Variants in FYN observed in about 807,000 individuals in gnomAD.
FYN encodes the protein tyrosine-protein kinase Fyn.
A neutral mutation model predicts 70.2 loss-of-function variants in FYN; 10 were observed. The observed-to-expected ratio is 0.14, with a 90% CI of 0.09 to 0.24. FYN has a LOEUF of 0.24. Ranked by LOEUF, FYN falls within the 10% of genes least tolerant of loss-of-function variation. FYN has a pLI of 1.00. For missense variants in FYN, 319 were observed against 673.1 expected, an observed-to-expected ratio of 0.47 and a Z score of 5.82; for synonymous variants, 236 against 248.6, an observed-to-expected ratio of 0.95 and a Z score of 0.48.
At chr6:111,857,664 T>G (rs1003907716) in intron 1 of FYN, among the ~76,000 whole-genome samples, 1 of 152,174 alleles carries the variant, frequency 6.6e-6, no homozygotes, top group Non-Finnish European at 1.5e-5. Context: ...GAATTCAACT[T>G]GATTATGATC....
chr6:111,844,495 A>G (rs934877776), intron 2 of FYN, among the ~76,000 whole-genome samples: 3 of 152,268 alleles, frequency 2.0e-5, no homozygotes, highest in African/African-American at 7.2e-5. Context: ...AAAGGTTCTG[A>G]AAGTGGAACT....
chr6:111,787,234 AT>A (rs2128510433), intron 2 of FYN, among the ~76,000 whole-genome samples: 1 of 152,166 alleles, frequency 6.6e-6, no homozygotes, highest in East Asian at 1.9e-4. Flanking sequence ...TCTTGAATTA[AT>A]TTTTCTGTAA....
chr6:111,811,574 C>A (rs1334105698), intron 2 of FYN, among the ~76,000 whole-genome samples: 1 of 152,152 alleles, frequency 6.6e-6, no homozygotes, highest in Non-Finnish European at 1.5e-5. Flanking sequence ...CCCTTATCCC[C>A]TTCTCTGGGA....
At chr6:111,788,813 C>T (rs1473828213) in intron 2 of FYN, among the ~76,000 whole-genome samples, 1 of 152,046 alleles carries the variant, frequency 6.6e-6, no homozygotes, top group Non-Finnish European at 1.5e-5. Flanking sequence ...TACAGGGTTT[C>T]CTAGGAAACT....
chr6:111,797,774 T>G (rs1477331356), intron 2 of FYN, among the ~76,000 whole-genome samples: 1 of 150,442 alleles, frequency 6.6e-6, no homozygotes, highest in Non-Finnish European at 1.5e-5. Context: ...ATCTTTTTTC[T>G]TTTTTTGAGA....
chr6:111,668,920 T>C (rs1300423086), intron 13 of FYN, among the ~76,000 whole-genome samples: 1 of 152,154 alleles, frequency 6.6e-6, no homozygotes, highest in Non-Finnish European at 1.5e-5. Flanking sequence ...CTGCTCCTGT[T>C]GTTATGTTGA....
intron 9 of FYN, chr6:111,699,408 C>A: frequency 8.4e-7 from 1 of 1,191,560 alleles, no homozygotes; most frequent in Non-Finnish European, 1.2e-6. Flanking sequence ...TCTAGTTATC[C>A]AGGTTAAGTG....
At chr6:111,696,909 G>A (rs943126395) in intron 9 of FYN, 1 of 152,490 alleles carries the variant, frequency 6.6e-6, no homozygotes, top group Non-Finnish European at 1.5e-5. Context: ...GGCACCACAT[G>A]AGGATGTCTG....
intron 13 of FYN, among the ~76,000 whole-genome samples, chr6:111,672,204 C>T (rs374504421): frequency 6.6e-5 from 10 of 152,322 alleles, no homozygotes; most frequent in South Asian, 2.1e-4. Flanking sequence ...TGCCTTCCCA[C>T]GTGCCAGACC....
At chr6:111,833,676 T>G (rs1300920416) in intron 2 of FYN, among the ~76,000 whole-genome samples, 1 of 152,216 alleles carries the variant, frequency 6.6e-6, no homozygotes, top group East Asian at 1.9e-4. Flanking sequence ...CTCTCCACAT[T>G]TCCTTTCTTT....
intron 2 of FYN, among the ~76,000 whole-genome samples, chr6:111,798,763 T>C (rs929045974): frequency 3.3e-5 from 5 of 152,180 alleles, no homozygotes; most frequent in African/African-American, 9.7e-5. Flanking sequence ...CGTGGCACTG[T>C]GGTGAAGAAT....
intron 4 of FYN, among the ~76,000 whole-genome samples, chr6:111,718,197 G>A (rs761285511): frequency 6.6e-6 from 1 of 152,194 alleles, no homozygotes; most frequent in Non-Finnish European, 1.5e-5. Flanking sequence ...GGGCTTTTAT[G>A]TTCCATGTTC....
chr6:111,679,138 T>C (rs1179861684), intron 12 of FYN, among the ~76,000 whole-genome samples: 1 of 152,244 alleles, frequency 6.6e-6, no homozygotes, highest in East Asian at 1.9e-4. Context: ...GCTTTGCAAA[T>C]GCCAAGCTCC....
intron 2 of FYN, among the ~76,000 whole-genome samples, chr6:111,802,204 C>G (rs946122128): frequency 6.6e-6 from 1 of 152,006 alleles, no homozygotes. Flanking sequence ...GAGATCTGGT[C>G]ATTTCAAAGC....
intron 2 of FYN, among the ~76,000 whole-genome samples, chr6:111,816,484 C>T (rs907237302): frequency 6.6e-6 from 1 of 152,086 alleles, no homozygotes; most frequent in East Asian, 1.9e-4. Context: ...AAAAGATCTT[C>T]CTTTTTAAGA....
intron 13 of FYN, among the ~76,000 whole-genome samples, chr6:111,663,797 T>C (rs1797876317): frequency 6.6e-6 from 1 of 150,980 alleles, no homozygotes; most frequent in East Asian, 2.3e-4. Context: ...TGTGGCTAAT[T>C]AGCCTACATC....
chr6:111,864,939 T>C (rs1329904775), intron 1 of FYN, among the ~76,000 whole-genome samples: 1 of 152,188 alleles, frequency 6.6e-6, no homozygotes, highest in Non-Finnish European at 1.5e-5. Flanking sequence ...CATGACTGTA[T>C]GTAAGCACCT....
chr6:111,701,934 TTGC>T (rs758047105), intron 8 of FYN, among the ~76,000 whole-genome samples: 1 of 152,244 alleles, frequency 6.6e-6, no homozygotes, highest in Non-Finnish European at 1.5e-5. Flanking sequence ...TTTCGAAAGA[TTGC>T]TTTTTCATGC....
intron 3 of FYN, among the ~76,000 whole-genome samples, chr6:111,726,675 T>C (rs1010890168): frequency 2.0e-5 from 3 of 152,048 alleles, no homozygotes; most frequent in African/African-American, 7.3e-5. Flanking sequence ...TAGGGAAGAA[T>C]TGGTTCCACA....
Sources: allele counts gnomAD v4.1 joint callset (sites outside exome capture counted in the v4.1 genomes callset), GRCh38; gene constraint gnomAD v4.1.1; transcripts MANE v1.5; gene names NCBI Gene and HGNC (gene_info 2026-07-23, HGNC 2026-07-21).